The following ANO6 variants were observed in gnomAD, a reference collection of about 807,000 sequenced individuals.
ANO6 encodes the protein anoctamin 6, also known as anoctamin-6.
A neutral mutation model predicts 117.5 loss-of-function variants in ANO6; 106 were observed. That is an observed-to-expected ratio of 0.90 (90% CI 0.77 to 1.06). The LOEUF is 1.06. Ranked by LOEUF, ANO6 falls within the 50% of genes least tolerant of loss-of-function variation. The pLI, the probability that ANO6 is intolerant of heterozygous loss-of-function variation, is 0.00. For synonymous variants in ANO6, 367 were observed against 385.1 expected (o/e 0.95, Z 0.55); for missense variants, 955 against 1,121.1 (o/e 0.85, Z 2.12).
At chr12:45,436,558 T>C (rs1592063632), downstream of ANO6, among the ~76,000 whole-genome samples, 1 of 152,174 alleles carries the variant, frequency 6.6e-6, no homozygotes. Flanking sequence ...AGTAATCCCC[T>C]TGGAGGTGAA....
chr12:45,392,974 C>A (rs1351481390), intron 12 of ANO6, among the ~76,000 whole-genome samples: 3 of 152,196 alleles, frequency 2.0e-5, no homozygotes, highest in Non-Finnish European at 4.4e-5. Context: ...AGCAACGGAA[C>A]AAAGCTGGAC....
chr12:45,360,382 C>T (rs7136295), intron 8 of ANO6, among the ~76,000 whole-genome samples: 1 of 151,996 alleles, frequency 6.6e-6, no homozygotes, highest in Non-Finnish European at 1.5e-5. Context: ...GAGAACTCCC[C>T]TCATCAACTC....
intron 1 of ANO6, among the ~76,000 whole-genome samples, chr12:45,259,137 A>G (rs1937937397): frequency 6.6e-6 from 1 of 152,220 alleles, no homozygotes; most frequent in African/African-American, 2.4e-5. Context: ...GAAGCTTTAC[A>G]TGGAACAAAG....
intron 3 of ANO6, among the ~76,000 whole-genome samples, chr12:45,336,466 C>G (rs1940827951): frequency 6.6e-6 from 1 of 151,310 alleles, no homozygotes; most frequent in South Asian, 2.1e-4. Context: ...ATGTTTCAGT[C>G]AACAATGTAC....
chr12:45,390,949 C>T (rs560108976), intron 12 of ANO6, among the ~76,000 whole-genome samples: 5 of 152,050 alleles, frequency 3.3e-5, no homozygotes, highest in Admixed American at 2.0e-4. Flanking sequence ...GATGAAACCC[C>T]GTCACTACTG....
At chr12:45,294,333 A>G (rs1199878139) in intron 1 of ANO6, among the ~76,000 whole-genome samples, 1 of 152,224 alleles carries the variant, frequency 6.6e-6, no homozygotes, top group Non-Finnish European at 1.5e-5. Flanking sequence ...CCAAATGTAT[A>G]GTACTGGACC....
At chr12:45,293,710 G>T (rs1007469304) in intron 1 of ANO6, among the ~76,000 whole-genome samples, 3 of 135,994 alleles carry the variant, frequency 2.2e-5, no homozygotes, top group African/African-American at 8.2e-5. Flanking sequence ...ACAGGTGCCT[G>T]CCACCATGCC....
At chr12:45,216,558 G>A (rs1430465971) in intron 1 of ANO6, among the ~76,000 whole-genome samples, 167 bp downstream of exon 1, 1 of 152,210 alleles carries the variant, frequency 6.6e-6, no homozygotes, top group African/African-American at 2.4e-5. Context: ...TGCAGACTGA[G>A]GCCCCGGTGC....
Position 45,424,327 on chromosome 12 carries a change from G to GTTTTTTTT in ANO6, c.2526+1286_2526+1293dup, listed in dbSNP as rs66945216. 3.4e-3 allele frequency among the ~76,000 whole-genome samples: 277 copies of GTTTTTTTT among 81,262 alleles called. 36 individuals are homozygous for GTTTTTTTT. The highest frequency in any genetic ancestry group is 0.013 in the African/African-American group (264 of 20,274). 53.3% of individuals were successfully genotyped at this position (81,262 alleles called of 152,430 possible). A position where few individuals can be genotyped will look rare whatever the true frequency, so the allele number is the denominator to read the frequency against. On this transcript the variant is annotated intron_variant, in intron 19 of 19. Transcript: ENST00000320560. ...AGAGAGAGGGAAAACTAGGTGATGG[G>GTTTTTTTT]TTTTTTTTTTTTTTTTTTTTTTTTT...
At position 45,430,241 on chromosome 12, in the gene ANO6, A is replaced by T. The variant is rs1943601411; in HGVS notation, c.*930A>T. 15 of 985,428 alleles carry T rather than the reference A, an allele frequency of 1.5e-5. No homozygotes were observed. The highest frequency in any genetic ancestry group is 1.8e-5 in the Non-Finnish European group (15 of 829,932). 61.0% of individuals were successfully genotyped at this position (985,428 alleles called of 1,614,324 possible). ...AAGATAAGCCCCTCAATTTTCTACCAGTTGACTTTTATTCATTAGATACAG... is the reference window on the plus strand; with the variant it reads ...AAGATAAGCCCCTCAATTTTCTACCTGTTGACTTTTATTCATTAGATACAG... On this transcript the variant is annotated 3_prime_UTR_variant, in exon 20 of 20. Transcript: ENST00000320560.
chr12:45,369,948 G>T, intron 9 of ANO6, among the ~76,000 whole-genome samples: 1 of 152,148 alleles, frequency 6.6e-6, no homozygotes, highest in East Asian at 1.9e-4. Flanking sequence ...TTTTGACTTT[G>T]CTGCTTTCCA....
At chr12:45,424,286 A>G (rs1049450498) in intron 19 of ANO6, among the ~76,000 whole-genome samples, 14 of 148,498 alleles carry the variant, frequency 9.4e-5, no homozygotes, top group Admixed American at 2.7e-4. Context: ...GCCCACTGGA[A>G]GGGAAGAGAA....
At chr12:45,378,481 G>A (rs561887518) in intron 10 of ANO6, among the ~76,000 whole-genome samples, 19 of 152,208 alleles carry the variant, frequency 1.2e-4, no homozygotes, top group Non-Finnish European at 2.1e-4. Flanking sequence ...GGCTGGGAAG[G>A]CTTCTCTGCT....
At chr12:45,354,394 G>A (rs946257820) in intron 7 of ANO6, among the ~76,000 whole-genome samples, 1 of 152,114 alleles carries the variant, frequency 6.6e-6, no homozygotes, top group African/African-American at 2.4e-5. Flanking sequence ...TTAAGTATGA[G>A]GAATTTTCAC....
intron 9 of ANO6, among the ~76,000 whole-genome samples, chr12:45,371,616 G>A (rs1186037965): frequency 1.3e-5 from 2 of 151,754 alleles, no homozygotes; most frequent in Admixed American, 6.6e-5. Flanking sequence ...CACCTCACAC[G>A]GCAGGGTACT....
chr12:45,293,879 G>A (rs935648464), intron 1 of ANO6, among the ~76,000 whole-genome samples: 1 of 151,686 alleles, frequency 6.6e-6, no homozygotes, highest in Non-Finnish European at 1.5e-5. Flanking sequence ...CACTGCGCCC[G>A]GCCAAAATAC....
At chr12:45,402,963 G>T (rs1942832455) in intron 13 of ANO6, 109 bp from the exon 14 acceptor site, 3 of 1,047,352 alleles carry the variant, frequency 2.9e-6, no homozygotes, top group South Asian at 2.8e-5. Context: ...AGTGTGAATT[G>T]TATTTTTTTA....
Position 45,431,745 on chromosome 12 carries a change from C to T in ANO6, c.*2434C>T, listed in dbSNP as rs2137743927. On this transcript the variant is annotated 3_prime_UTR_variant, in exon 20 of 20. Transcript: ENST00000320560. ...TGGTGGCTGCATCTGTAAGTGGCTT[C>T]AGAGGCAGCAGCCCTGGGGAAATTG... is the stretch of plus-strand genomic sequence containing the variant. The T allele has an allele frequency of 1.0e-6, 1 of 985,484 alleles. No individual in the cohort carries two copies. Among genetic ancestry groups the T allele is most frequent in the African/African-American group, 1.7e-5 (1 of 57,354 alleles). 61.0% of individuals were successfully genotyped at this position (985,484 alleles called of 1,614,324 possible). A position where few individuals can be genotyped will look rare whatever the true frequency, so the allele number is the denominator to read the frequency against.
intron 2 of ANO6, among the ~76,000 whole-genome samples, chr12:45,306,802 G>C (rs915383409): frequency 2.6e-5 from 4 of 151,712 alleles, no homozygotes; most frequent in Non-Finnish European, 4.4e-5. Context: ...TAATCCTGTA[G>C]AGAAAAAGTA....
Sources: gnomAD v4.1 joint callset for allele counts (sites outside exome capture counted in the v4.1 genomes callset) on GRCh38, gnomAD v4.1.1 for gene constraint, MANE v1.5 for transcripts, NCBI Gene and HGNC (gene_info 2026-07-23, HGNC 2026-07-21) for gene names.